Variants in FSTL5 observed in about 807,000 individuals in gnomAD.
The protein encoded by FSTL5 is follistatin-related protein 5.
In FSTL5, 62 loss-of-function variants were observed where a neutral mutation model predicts 89.1. The observed-to-expected ratio is 0.70, with a 90% CI of 0.57 to 0.86. FSTL5 has a LOEUF of 0.86. Ranked by LOEUF, FSTL5 falls within the 40% of genes least tolerant of loss-of-function variation. The probability of loss-of-function intolerance (pLI) is 0.00; values close to 1 mark genes in which losing one functional copy is unlikely to be tolerated. For missense variants in FSTL5, 1,057 were observed against 1,001.6 expected (o/e 1.06, Z -0.75); for synonymous variants, 383 against 346.2 (o/e 1.11, Z -1.18).
chr4:161,551,594 G>A (rs1020662727), intron 8 of FSTL5, among the ~76,000 whole-genome samples: 6 of 151,858 alleles, frequency 4.0e-5, no homozygotes, highest in Non-Finnish European at 7.4e-5. Flanking sequence ...TATACTACAA[G>A]GCTACAGTAA....
intron 6 of FSTL5, among the ~76,000 whole-genome samples, chr4:161,731,639 C>A (rs367931234): frequency 9.9e-5 from 15 of 152,038 alleles, no homozygotes; most frequent in African/African-American, 3.6e-4. Context: ...ATGACCCAGT[C>A]TCAGGTAGTT....
chr4:162,000,025 G>A lies in FSTL5; in HGVS notation c.160+33600C>T, dbSNP rs553240998. On this transcript the variant is annotated intron_variant, in intron 3 of 15. Transcript: ENST00000306100. Reference sequence around the variant, plus strand: ...ACTGAAGATTGAAATTGATTTTGATGGCCTAATCTGATATATTGGATTTGA... The same window carrying A: ...ACTGAAGATTGAAATTGATTTTGATAGCCTAATCTGATATATTGGATTTGA... Among the ~76,000 whole-genome samples the A allele has an allele frequency of 6.0e-4, 91 of 152,222 alleles. 1 individual carries two copies. Among genetic ancestry groups the A allele is most frequent in the African/African-American group, 2.1e-3 (87 of 41,552 alleles).
chr4:161,986,276 A>G (rs2111063005), intron 3 of FSTL5, among the ~76,000 whole-genome samples: 1 of 152,314 alleles, frequency 6.6e-6, no homozygotes. Context: ...TAGGCCAGGC[A>G]CGGTGGCTCA....
At chr4:161,433,638 T>C in intron 15 of FSTL5, among the ~76,000 whole-genome samples, 1 of 152,134 alleles carries the variant, frequency 6.6e-6, no homozygotes. Flanking sequence ...ATGCAGATGA[T>C]ATAATCTTAT....
chr4:161,781,428 T>A (rs1205801872), intron 4 of FSTL5, among the ~76,000 whole-genome samples: 1 of 152,138 alleles, frequency 6.6e-6, no homozygotes, highest in East Asian at 1.9e-4. Flanking sequence ...TACTTAAGTG[T>A]ACTACAGGTA....
chr4:161,779,400 G>A lies in FSTL5; in HGVS notation c.410-3326C>T, dbSNP rs116041407. ...TCATAGACTTTTTAGTTATAAATATGTGTATGTTATTAATAATAGATAACA... is the reference window on the plus strand; with the variant it reads ...TCATAGACTTTTTAGTTATAAATATATGTATGTTATTAATAATAGATAACA... On this transcript the variant is annotated intron_variant, in intron 4 of 15. Transcript: ENST00000306100. Among the ~76,000 whole-genome samples, 74 of 152,132 alleles carry A rather than the reference G, an allele frequency of 4.9e-4. 1 individual carries two copies. In the East Asian group the frequency reaches 0.013, roughly 27 times the overall value.
chr4:162,008,311 A>G (rs1736668691), intron 3 of FSTL5, among the ~76,000 whole-genome samples: 1 of 151,838 alleles, frequency 6.6e-6, no homozygotes, highest in South Asian at 2.1e-4. Flanking sequence ...GTTCAATGTA[A>G]GCCAAAGAAC....
At chr4:161,835,934 C>T (rs1486928577) in intron 4 of FSTL5, among the ~76,000 whole-genome samples, 3 of 151,680 alleles carry the variant, frequency 2.0e-5, no homozygotes, top group African/African-American at 4.8e-5. Flanking sequence ...TACCATTTGA[C>T]CCAGCCATCC....
At position 161,569,750 on chromosome 4, in the gene FSTL5, AACACACAAACACACAC is replaced by A. The variant is rs1408800289; in HGVS notation, c.1015+17689_1015+17704del. Among the ~76,000 whole-genome samples, 209 of 103,328 alleles carry A rather than the reference AACACACAAACACACAC, an allele frequency of 2.0e-3. 2 individuals carry two copies. The highest frequency in any genetic ancestry group is 0.011 in the Middle Eastern group (2 of 188). 67.8% of individuals were successfully genotyped at this position (103,328 alleles called of 152,430 possible). ...AAAGGAAAATGAGATCTTTAAGTCC[AACACACAAACACACAC>A]ACACACACACACACACACACACACA... On this transcript the variant is annotated intron_variant, in intron 8 of 15. Transcript: ENST00000306100.
At chr4:161,744,834 A>G (rs2126775450) in intron 6 of FSTL5, among the ~76,000 whole-genome samples, 1 of 152,216 alleles carries the variant, frequency 6.6e-6, no homozygotes, top group Admixed American at 6.5e-5. Flanking sequence ...TTATGTGGTG[A>G]CAGTTACATA....
At chr4:161,834,197 A>G (rs921980738) in intron 4 of FSTL5, among the ~76,000 whole-genome samples, 8 of 152,204 alleles carry the variant, frequency 5.3e-5, no homozygotes, top group Admixed American at 3.9e-4. Context: ...ACCAAAGACA[A>G]AAACCACATG....
At chr4:161,571,683 A>G (rs1382718966) in intron 8 of FSTL5, among the ~76,000 whole-genome samples, 1 of 152,172 alleles carries the variant, frequency 6.6e-6, no homozygotes, top group African/African-American at 2.4e-5. Flanking sequence ...CGGAGGATAC[A>G]GTCTTCAGAA....
chr4:161,390,056 A>G (rs900979639), intron 15 of FSTL5, among the ~76,000 whole-genome samples: 1 of 152,164 alleles, frequency 6.6e-6, no homozygotes, highest in Non-Finnish European at 1.5e-5. Context: ...AACAGTGTCT[A>G]TGTCCAGTCC....
At chr4:162,047,331 A>G (rs997449515) in intron 2 of FSTL5, 1 of 152,144 alleles carries the variant, frequency 6.6e-6, no homozygotes, top group Non-Finnish European at 1.5e-5. Flanking sequence ...CTTACTATGT[A>G]GCATGCAATT....
chr4:162,049,532 G>C (rs1738312145), intron 2 of FSTL5, among the ~76,000 whole-genome samples: 1 of 152,136 alleles, frequency 6.6e-6, no homozygotes, highest in South Asian at 2.1e-4. Context: ...TAGGAGAGTT[G>C]CATCATGTGG....
intron 3 of FSTL5, among the ~76,000 whole-genome samples, chr4:161,950,665 C>T (rs934805400): frequency 3.9e-5 from 6 of 152,122 alleles, no homozygotes; most frequent in African/African-American, 1.4e-4. Context: ...GCACAGAATG[C>T]CTCAGTTTGG....
At chr4:161,466,435 C>A (rs577240321) in intron 13 of FSTL5, among the ~76,000 whole-genome samples, 1 of 152,280 alleles carries the variant, frequency 6.6e-6, no homozygotes, top group South Asian at 2.1e-4. Context: ...TGAAGCACAG[C>A]TTGTTTATCA....
At chr4:161,638,360 T>G (rs1735810748) in intron 7 of FSTL5, among the ~76,000 whole-genome samples, 1 of 152,064 alleles carries the variant, frequency 6.6e-6, no homozygotes, top group Non-Finnish European at 1.5e-5. Flanking sequence ...TAAGGAGATT[T>G]TGGGCTGAGA....
intron 3 of FSTL5, among the ~76,000 whole-genome samples, chr4:161,941,691 T>C (rs896662257): frequency 2.6e-5 from 4 of 151,908 alleles, no homozygotes; most frequent in African/African-American, 9.7e-5. Flanking sequence ...GCAGTTCTAG[T>C]TGCAGACTTC....
Sources: allele counts gnomAD v4.1 joint callset (sites outside exome capture counted in the v4.1 genomes callset), GRCh38; gene constraint gnomAD v4.1.1; transcripts MANE v1.5; gene names NCBI Gene and HGNC (gene_info 2026-07-23, HGNC 2026-07-21).